The following CNOT6L variants were observed in gnomAD, a reference collection of about 807,000 sequenced individuals.
CNOT6L encodes CCR4-NOT transcription complex subunit 6 like, also known as CCR4-NOT transcription complex subunit 6-like.
In CNOT6L, 7 loss-of-function variants were observed where a neutral mutation model predicts 64.0. That is an observed-to-expected ratio of 0.11 (90% CI 0.06 to 0.21). CNOT6L has a LOEUF of 0.21. Among genes scored for constraint, CNOT6L ranks in the 10% least tolerant of loss-of-function variants. The probability of loss-of-function intolerance (pLI) is 1.00; values close to 1 mark genes in which losing one functional copy is unlikely to be tolerated. For synonymous variants in CNOT6L, 193 were observed against 243.4 expected (o/e 0.79, Z 1.93); for missense variants, 245 against 669.0 (o/e 0.37, Z 6.99).
chr4:77,793,358 C>T (rs1383632610), intron 1 of CNOT6L, among the ~76,000 whole-genome samples: 1 of 152,146 alleles, frequency 6.6e-6, no homozygotes. Context: ...TCAATGAGCA[C>T]CAACCATGTG....
intron 1 of CNOT6L, among the ~76,000 whole-genome samples, chr4:77,809,656 A>C (rs943233448): frequency 1.3e-5 from 2 of 152,174 alleles, no homozygotes; most frequent in African/African-American, 4.8e-5. Context: ...AGATTCCAAC[A>C]AAGTCTTTGT....
In CNOT6L at chr4:77,714,430, A is replaced by T. The variant is rs1450968417; in HGVS notation, c.*6001T>A. 7.5e-6 allele frequency: 1 copy of T among 133,022 alleles called. No homozygotes were observed. Among genetic ancestry groups the T allele is most frequent in the African/African-American group, 2.9e-5 (1 of 34,752 alleles). The allele number at this position is 133,022 out of a possible 1,614,324, so 8.2% of individuals were successfully genotyped here. A position where few individuals can be genotyped will look rare whatever the true frequency, so the allele number is the denominator to read the frequency against. ...TTATAGAGAGAAAAAGTACATACAC[A>T]CTCTCTTTAAAAAAAAAAAAAAAAA... is the stretch of plus-strand genomic sequence containing the variant. On this transcript the variant is annotated 3_prime_UTR_variant, in exon 12 of 12. Coordinates refer to ENST00000504123, the MANE Select transcript of CNOT6L (RefSeq NM_144571.3).
chr4:77,727,490 C>T (rs1260397638), intron 10 of CNOT6L, among the ~76,000 whole-genome samples: 7 of 137,442 alleles, frequency 5.1e-5, no homozygotes, highest in African/African-American at 1.1e-4. Context: ...TGCTTGAACC[C>T]GGGAGGCAGA....
intron 1 of CNOT6L, among the ~76,000 whole-genome samples, chr4:77,801,471 C>T (rs554827036): frequency 7.2e-5 from 11 of 152,130 alleles, no homozygotes; most frequent in Non-Finnish European, 1.6e-4. Context: ...TAATTTCCTT[C>T]TTGTTTTGAA....
At chr4:77,742,061 G>T in intron 8 of CNOT6L, 80 bp downstream of exon 8, 2 of 1,332,232 alleles carry the variant, frequency 1.5e-6, no homozygotes, top group Non-Finnish European at 2.0e-6. Context: ...GATTTTATAG[G>T]GCAAAACCAA....
intron 1 of CNOT6L, among the ~76,000 whole-genome samples, chr4:77,792,576 A>C (rs1730286865): frequency 6.6e-6 from 1 of 151,980 alleles, no homozygotes. Flanking sequence ...AAATACAAAA[A>C]TTAGCTGGGC....
At chr4:77,789,545 T>C (rs1308270784) in intron 1 of CNOT6L, among the ~76,000 whole-genome samples, 1 of 148,816 alleles carries the variant, frequency 6.7e-6, no homozygotes, top group East Asian at 2.0e-4. Flanking sequence ...TGGTGGTGCA[T>C]GCCTGTAGTC....
intron 1 of CNOT6L, among the ~76,000 whole-genome samples, chr4:77,801,829 T>C (rs1731619415): frequency 1.3e-5 from 2 of 152,116 alleles, no homozygotes; most frequent in South Asian, 4.2e-4. Context: ...CCCGAGGCTA[T>C]AGCAAACTAT....
chr4:77,750,338 G>A (rs1228299308), intron 5 of CNOT6L, among the ~76,000 whole-genome samples: 2 of 151,994 alleles, frequency 1.3e-5, no homozygotes, highest in Non-Finnish European at 2.9e-5. Context: ...ATATTCATGT[G>A]AGACATGCAT....
intron 4 of CNOT6L, among the ~76,000 whole-genome samples, 156 bp from the exon 5 acceptor site, chr4:77,757,107 GTAAA>G (rs1725657145): frequency 2.0e-5 from 3 of 152,152 alleles, no homozygotes; most frequent in Admixed American, 6.5e-5. Context: ...AAATGTATGT[GTAAA>G]TAAATATTTT....
At chr4:77,738,753 CAAAAAA>C (rs33932934) in intron 8 of CNOT6L, among the ~76,000 whole-genome samples, 7 of 114,212 alleles carry the variant, frequency 6.1e-5, no homozygotes, top group African/African-American at 2.1e-4. Flanking sequence ...AACTCCGTCT[CAAAAAA>C]AAAAAAAAAA....
chr4:77,723,604 A>T (rs1032296237), intron 11 of CNOT6L, among the ~76,000 whole-genome samples: 4 of 152,136 alleles, frequency 2.6e-5, no homozygotes, highest in African/African-American at 9.7e-5. Context: ...GTCTCTAGCC[A>T]TCCTTCCTTG....
At chr4:77,773,204 T>C in intron 3 of CNOT6L, 38 bp from the exon 4 acceptor site, 1 of 1,214,616 alleles carries the variant, frequency 8.2e-7, no homozygotes, top group Non-Finnish European at 1.1e-6. Flanking sequence ...TTTAATATAC[T>C]AAGTTTTATT....
At chr4:77,763,327 T>C (rs904419320) in intron 4 of CNOT6L, among the ~76,000 whole-genome samples, 11 of 152,012 alleles carry the variant, frequency 7.2e-5, no homozygotes, top group African/African-American at 2.7e-4. Flanking sequence ...AGAGAATATA[T>C]ACTAGACAAA....
At chr4:77,772,934 C>A (rs1727744860) in intron 4 of CNOT6L, 147 bp downstream of exon 4, 2 of 600,476 alleles carry the variant, frequency 3.3e-6, no homozygotes, top group East Asian at 6.6e-5. Context: ...AACAAACAAA[C>A]AAACAAACAA....
chr4:77,792,141 C>G (rs148871343), intron 1 of CNOT6L, among the ~76,000 whole-genome samples: 1 of 152,216 alleles, frequency 6.6e-6, no homozygotes, highest in East Asian at 1.9e-4. Flanking sequence ...TCCCAACAAC[C>G]TCTAGGCATA....
intron 1 of CNOT6L, among the ~76,000 whole-genome samples, chr4:77,784,371 G>A (rs532728022): frequency 6.6e-6 from 1 of 152,080 alleles, no homozygotes; most frequent in South Asian, 2.1e-4. Flanking sequence ...TTATCAATAT[G>A]GACAACTTAA....
chr4:77,804,360 C>T lies in CNOT6L; in HGVS notation c.5+14944G>A, dbSNP rs756683548. Among the ~76,000 whole-genome samples, 9 of 149,712 alleles carry T rather than the reference C, an allele frequency of 6.0e-5. No homozygotes were observed. In the South Asian group the frequency reaches 1.7e-3, roughly 28 times the overall value. On this transcript the variant is annotated intron_variant, in intron 1 of 11. Coordinates refer to ENST00000504123, the MANE Select transcript of CNOT6L (RefSeq NM_144571.3). ...AGGAGAACTGCTTGAACCTGGGAGG[C>T]GGAGGCTGTGGTGAACCGGTATCGT...
intron 5 of CNOT6L, among the ~76,000 whole-genome samples, chr4:77,749,853 A>G (rs1356168523): frequency 1.3e-5 from 2 of 152,220 alleles, no homozygotes; most frequent in Non-Finnish European, 2.9e-5. Flanking sequence ...TTAAAATTTA[A>G]AACACCCATG....
Sources: allele counts gnomAD v4.1 joint callset (sites outside exome capture counted in the v4.1 genomes callset), GRCh38; gene constraint gnomAD v4.1.1; transcripts MANE v1.5; gene names NCBI Gene and HGNC (gene_info 2026-07-23, HGNC 2026-07-21).